The following SLC25A30 variants were observed in gnomAD, a reference collection of about 807,000 sequenced individuals.
The protein encoded by SLC25A30 is solute carrier family 25 member 30, also known as kidney mitochondrial carrier protein 1.
In SLC25A30, 29 loss-of-function variants were observed where a neutral mutation model predicts 42.7. That is an observed-to-expected ratio of 0.68 (90% confidence interval 0.51 to 0.93). The LOEUF is 0.93. SLC25A30 is among the 40% of genes least tolerant of loss of function. The pLI is 0.00. For synonymous variants in SLC25A30, 124 were observed against 131.0 expected, an observed-to-expected ratio of 0.95 and a Z score of 0.37; for missense variants, 300 against 359.7, an observed-to-expected ratio of 0.83 and a Z score of 1.34.
chr13:45,393,844 T>C lies in SLC25A30; in HGVS notation c.*2130A>G. 1.0e-6 allele frequency: 1 copy of C among 985,422 alleles called. No homozygotes were observed. Among genetic ancestry groups the C allele is most frequent in the Non-Finnish European group, 1.2e-6 (1 of 829,880 alleles). The allele number at this position is 985,422 out of a possible 1,614,324, so 61.0% of individuals were successfully genotyped here. A position where few individuals can be genotyped will look rare whatever the true frequency, so the allele number is the denominator to read the frequency against. Reference sequence around the variant, plus strand: ...AGTTTTACCATGAGGTTTGAATTTCTTTCCACCTTGGTAGGAACATGTATG... The same window carrying C: ...AGTTTTACCATGAGGTTTGAATTTCCTTCCACCTTGGTAGGAACATGTATG... On this transcript the variant is annotated 3_prime_UTR_variant, in exon 10 of 10. Transcript: ENST00000519676.
intron 3 of SLC25A30, 58 bp from the exon 4 acceptor site, chr13:45,406,035 A>T: frequency 6.6e-7 from 1 of 1,523,624 alleles, no homozygotes; most frequent in Non-Finnish European, 9.1e-7. Flanking sequence ...AACATCGGCT[A>T]GGCAACCCAC....
At chr13:45,410,442 G>A (rs1364756049) in intron 2 of SLC25A30, among the ~76,000 whole-genome samples, 1 of 152,222 alleles carries the variant, frequency 6.6e-6, no homozygotes, top group Non-Finnish European at 1.5e-5. Context: ...CAAGGGAGGT[G>A]GATCTCTTGA....
chr13:45,424,726 T>A, the SLC25A30 span, among the ~76,000 whole-genome samples: 304 of 66,530 alleles, frequency 4.6e-3, 30 homozygotes, highest in African/African-American at 0.016. Context: ...TAAATATATA[T>A]AAATATGTAT....
chr13:45,408,422 T>C (rs1882711368), intron 3 of SLC25A30, among the ~76,000 whole-genome samples: 1 of 152,202 alleles, frequency 6.6e-6, no homozygotes, highest in Non-Finnish European at 1.5e-5. Flanking sequence ...TGTGGTGTAC[T>C]GGAGAAAATC....
chr13:45,410,850 G>C (rs2137679525), intron 2 of SLC25A30, among the ~76,000 whole-genome samples: 1 of 152,308 alleles, frequency 6.6e-6, no homozygotes, highest in South Asian at 2.1e-4. Context: ...TTGGTCAATA[G>C]GATCAACTTT....
chr13:45,423,813 A>ATAT, the SLC25A30 span, among the ~76,000 whole-genome samples: 1 of 38,256 alleles, frequency 2.6e-5, no homozygotes, highest in Non-Finnish European at 5.6e-5. Flanking sequence ...TATATATATA[A>ATAT]AAATATAAAT....
chr13:45,425,400 G>T, the SLC25A30 span, among the ~76,000 whole-genome samples: 2 of 107,604 alleles, frequency 1.9e-5, no homozygotes, highest in African/African-American at 3.7e-5. Flanking sequence ...AAATATATAT[G>T]TATATATATA....
chr13:45,425,727 G>T, the SLC25A30 span, among the ~76,000 whole-genome samples: 5 of 139,930 alleles, frequency 3.6e-5, no homozygotes, highest in Non-Finnish European at 7.6e-5. Context: ...GAGTCTCGCT[G>T]TATCCCCCAG....
intron 4 of SLC25A30, among the ~76,000 whole-genome samples, chr13:45,405,367 T>C (rs58784837): frequency 0.31 from 47,252 of 152,140 alleles, 8,892 homozygotes; most frequent in Non-Finnish European, 0.43. Flanking sequence ...TAGTTTGAAA[T>C]ATCCTGAAGT....
chr13:45,393,530 T>C lies in SLC25A30; in HGVS notation c.*2444A>G, dbSNP rs1175835919. The C allele has an allele frequency of 5.1e-6, 5 of 985,300 alleles. No individual in the cohort carries two copies. Among genetic ancestry groups the C allele is most frequent in the South Asian group, 4.7e-5 (1 of 21,290 alleles). 61.0% of individuals were successfully genotyped at this position (985,300 alleles called of 1,614,324 possible). A position where few individuals can be genotyped will look rare whatever the true frequency, so the allele number is the denominator to read the frequency against. On this transcript the variant is annotated 3_prime_UTR_variant, in exon 10 of 10. Coordinates refer to ENST00000519676, the MANE Select transcript of SLC25A30 (RefSeq NM_001010875.4). ...AATCCACAACATTAAGCATCAATGATTACACAAATCCATAAGCACACAAAC... is the reference window on the plus strand; with the variant it reads ...AATCCACAACATTAAGCATCAATGACTACACAAATCCATAAGCACACAAAC...
Position 45,409,026 on chromosome 13 carries a change from T to G in SLC25A30, c.113A>C (p.Gln38Pro), listed in dbSNP as rs768305010. 1 of 1,613,380 alleles carries G rather than the reference T, an allele frequency of 6.2e-7. No individual in the cohort carries two copies. Among genetic ancestry groups the G allele is most frequent in the Non-Finnish European group, 8.5e-7 (1 of 1,179,692 alleles). Reference sequence around the variant, plus strand: ...TTCCTTAAATTTTGCATCATTCGTCTGGCCTTGAATCTGGAGCCGTGTCTT... The same window carrying G: ...TTCCTTAAATTTTGCATCATTCGTCGGGCCTTGAATCTGGAGCCGTGTCTT... ...LTKTRLQIQG[Q>P]TNDAKFKEIR... Residue 38 changes from glutamine (Q) to proline (P), a missense_variant, in exon 3 of 10, where the codon CAG (glutamine) becomes CCG (proline). Transcript: ENST00000519676.
the SLC25A30 span, among the ~76,000 whole-genome samples, chr13:45,424,160 G>GACATATAAATATATAT: frequency 1.3e-5 from 1 of 78,812 alleles, no homozygotes. Context: ...TATATATATA[G>GACATATAAATATATAT]AAATATATCA....
Position 45,394,443 on chromosome 13 carries a change from G to C in SLC25A30, c.*1531C>G. The C allele has an allele frequency of 1.0e-6, 1 of 985,408 alleles. No individual in the cohort carries two copies. Among genetic ancestry groups the C allele is most frequent in the Admixed American group, 6.1e-5 (1 of 16,276 alleles). The allele number at this position is 985,408 out of a possible 1,614,324, so 61.0% of individuals were successfully genotyped here. On this transcript the variant is annotated 3_prime_UTR_variant, in exon 10 of 10. Transcript: ENST00000519676. ...TCTCAACAAAGAGACTGGCCAGACT[G>C]GGAATTTGGCCGCACTACTGTGGAA...
chr13:45,401,668 T>C (rs981364349), intron 6 of SLC25A30, among the ~76,000 whole-genome samples: 1 of 143,410 alleles, frequency 7.0e-6, no homozygotes, highest in African/African-American at 2.6e-5. Context: ...CATAAGAATT[T>C]AAAAAAAAAA....
At chr13:45,423,864 A>G in the SLC25A30 span, among the ~76,000 whole-genome samples, 4 of 73,846 alleles carry the variant, frequency 5.4e-5, 1 homozygote, top group African/African-American at 1.5e-4. Flanking sequence ...ATATATAAAT[A>G]TATATAAAAT....
At chr13:45,418,168 C>G (rs1208221247) in intron 1 of SLC25A30, 132 bp downstream of exon 1, 1 of 152,742 alleles carries the variant, frequency 6.5e-6, no homozygotes, top group Non-Finnish European at 1.5e-5. Context: ...GTGGAGAGCA[C>G]AGGCAGCCCC....
chr13:45,425,809 C>G, the SLC25A30 span, among the ~76,000 whole-genome samples: 1 of 146,110 alleles, frequency 6.8e-6, no homozygotes, highest in Admixed American at 7.1e-5. Context: ...TCTTGTGCCT[C>G]AGCCTCCAGA....
intron 7 of SLC25A30, 110 bp downstream of exon 7, chr13:45,400,972 TG>T: frequency 1.1e-6 from 1 of 928,044 alleles, no homozygotes; most frequent in Non-Finnish European, 1.6e-6. Context: ...GACTTCTACC[TG>T]GTCCTGCTTC....
the SLC25A30 span, among the ~76,000 whole-genome samples, chr13:45,424,149 GTATA>G: frequency 1.0e-4 from 2 of 19,594 alleles, no homozygotes; most frequent in Non-Finnish European, 1.9e-4. Context: ...ATAAATATAA[GTATA>G]TATATAGAAA....
Sources: allele counts gnomAD v4.1 joint callset (sites outside exome capture counted in the v4.1 genomes callset), GRCh38; gene constraint gnomAD v4.1.1; transcripts MANE v1.5; gene names NCBI Gene and HGNC (gene_info 2026-07-23, HGNC 2026-07-21).